SEMA5B: variants seen among roughly 807,000 people sequenced by gnomAD.
SEMA5B encodes the protein semaphorin-5B.
A neutral mutation model predicts 135.0 loss-of-function variants in SEMA5B; 66 were observed. The ratio of observed to expected loss-of-function variants is 0.49; its 90% CI spans 0.40 to 0.60. The LOEUF is 0.60. SEMA5B is among the 20% of genes least tolerant of loss of function. SEMA5B has a pLI of 0.00. For missense variants in SEMA5B, 1,501 were observed against 1,566.3 expected (o/e 0.96, Z 0.70); for synonymous variants, 690 against 639.5 (o/e 1.08, Z -1.19).
chr3:122,967,666 A>G (rs6438773), intron 1 of SEMA5B, among the ~76,000 whole-genome samples: 78,023 of 152,134 alleles, frequency 0.51, 21,674 homozygotes, highest in African/African-American at 0.72. Context: ...TCGTGGGATC[A>G]TGAGATCGTG....
intron 8 of SEMA5B, among the ~76,000 whole-genome samples, 189 bp downstream of exon 8, chr3:122,927,601 G>T (rs1938709785): frequency 6.6e-6 from 1 of 152,146 alleles, no homozygotes; most frequent in African/African-American, 2.4e-5. Flanking sequence ...GACATCACCT[G>T]TGATTTCGTC....
chr3:122,947,174 C>T (rs1939825200), intron 3 of SEMA5B, among the ~76,000 whole-genome samples: 1 of 152,184 alleles, frequency 6.6e-6, no homozygotes, highest in Non-Finnish European at 1.5e-5. Flanking sequence ...CCCCTCTGTC[C>T]TCTTCAGTGA....
At chr3:122,939,941 G>T (rs749982861) in intron 4 of SEMA5B, among the ~76,000 whole-genome samples, 3 of 152,142 alleles carry the variant, frequency 2.0e-5, no homozygotes, top group Non-Finnish European at 2.9e-5. Context: ...ACACAGGCCA[G>T]CCATCTCTCC....
intron 1 of SEMA5B, among the ~76,000 whole-genome samples, chr3:122,967,622 G>A (rs1269913970): frequency 6.6e-6 from 1 of 152,180 alleles, no homozygotes; most frequent in Non-Finnish European, 1.5e-5. Context: ...CAGGTGCAAT[G>A]GATTCTGTGG....
intron 1 of SEMA5B, among the ~76,000 whole-genome samples, chr3:123,022,366 A>C (rs1463282254): frequency 6.6e-6 from 1 of 152,248 alleles, no homozygotes; most frequent in Non-Finnish European, 1.5e-5. Context: ...ACAAGGCTTC[A>C]AATTCAAACA....
At chr3:122,941,347 A>C (rs1054200917) in intron 4 of SEMA5B, among the ~76,000 whole-genome samples, 2 of 152,220 alleles carry the variant, frequency 1.3e-5, no homozygotes, top group Non-Finnish European at 2.9e-5. Flanking sequence ...TTGTGTGGGA[A>C]GCCTCCAGAC....
intron 1 of SEMA5B, among the ~76,000 whole-genome samples, chr3:122,962,789 C>T (rs1193114288): frequency 1.3e-5 from 2 of 152,200 alleles, no homozygotes; most frequent in African/African-American, 4.8e-5. Context: ...GAACCACAGA[C>T]TGGGGTGATG....
At chr3:122,970,649 G>A (rs1260604300) in intron 1 of SEMA5B, among the ~76,000 whole-genome samples, 1 of 152,196 alleles carries the variant, frequency 6.6e-6, no homozygotes, top group Non-Finnish European at 1.5e-5. Context: ...TCTATTAAAT[G>A]GCAAATATTT....
Position 122,961,648 on chromosome 3 carries a change from T to G in SEMA5B, c.-38-347A>C, listed in dbSNP as rs1413560456. On this transcript the variant is annotated intron_variant, in intron 1 of 22. Transcript: ENST00000357599. Reference sequence around the variant, plus strand: ...TAATTTTTAAAACTTTTTGTAGATGTGATCTCACTATGTTGCCCAGGCTGG... The same window carrying G: ...TAATTTTTAAAACTTTTTGTAGATGGGATCTCACTATGTTGCCCAGGCTGG... 2.6e-5 allele frequency among the ~76,000 whole-genome samples: 4 copies of G among 152,148 alleles called. No individual in the cohort carries two copies. In the East Asian group the frequency reaches 7.7e-4, roughly 29 times the overall value.
rs372304309 is a variant in SEMA5B at position 122,911,682 on chromosome 3, C to A, written c.3047-147G>T. The A allele has an allele frequency of 3.7e-5, 37 of 986,930 alleles. No individual in the cohort carries two copies. In the African/African-American group the frequency reaches 5.8e-4, roughly 16 times the overall value. The allele number at this position is 986,930 out of a possible 1,614,324, so 61.1% of individuals were successfully genotyped here. On this transcript the variant is annotated intron_variant, in intron 20 of 22. Coordinates refer to ENST00000357599, the MANE Select transcript of SEMA5B (RefSeq NM_001031702.4). ...TGGGGGCCTTCATTCCCCTCCCTCT[C>A]TCCTCAGACCCCACCTCTGAGAAGG...
chr3:122,922,526 A>T, intron 10 of SEMA5B, 79 bp from the exon 11 acceptor site: 1 of 1,358,020 alleles, frequency 7.4e-7, no homozygotes, highest in Non-Finnish European at 1.0e-6. Flanking sequence ...CCTCCTGGCA[A>T]CCCAGGTGGC....
At chr3:122,999,350 C>G (rs543737685) in intron 1 of SEMA5B, among the ~76,000 whole-genome samples, 10 of 152,036 alleles carry the variant, frequency 6.6e-5, no homozygotes, top group Non-Finnish European at 1.0e-4. Flanking sequence ...ACTCAGCCTC[C>G]CAAGTAGCTG....
chr3:122,998,004 C>T (rs547335907), intron 1 of SEMA5B, among the ~76,000 whole-genome samples: 4 of 152,296 alleles, frequency 2.6e-5, no homozygotes, highest in Admixed American at 6.5e-5. Context: ...AAACACTGCC[C>T]GACGACCGCC....
At chr3:122,961,590 G>T (rs1940585837) in intron 1 of SEMA5B, among the ~76,000 whole-genome samples, 1 of 151,884 alleles carries the variant, frequency 6.6e-6, no homozygotes, top group African/African-American at 2.4e-5. Flanking sequence ...CCCCCAAGTA[G>T]TTGTGACAAC....
chr3:122,927,908 C>G lies in SEMA5B; in HGVS notation c.732G>C (p.Gln244His). 1 of 1,595,366 alleles carries G rather than the reference C, an allele frequency of 6.3e-7. No homozygotes were observed. The highest frequency in any genetic ancestry group is 1.1e-5 in the South Asian group (1 of 87,912). Residue 244 changes from glutamine (Q) to histidine (H), a missense_variant, in exon 8 of 23, where the codon CAG becomes CAC. Gln to His is a conservative substitution (Grantham distance 24, BLOSUM62 0). Around this residue, in one of 2 missense-constraint regions of SEMA5B, gnomAD observed 574 missense variants for 684.7 expected, o/e 0.84. Coordinates refer to ENST00000357599, the MANE Select transcript of SEMA5B (RefSeq NM_001031702.4). ...RHNSTAVISS[Q>H]GELYAATVID... ...TGACCGTGGCTGCATAGAGCTCCCC[C>G]TGGGAGGAGATGACAGCTGTGGAGT...
intron 22 of SEMA5B, 37 bp from the exon 23 acceptor site, chr3:122,910,338 G>A (rs1274074649): frequency 8.7e-6 from 14 of 1,607,556 alleles, no homozygotes; most frequent in Non-Finnish European, 1.1e-5. Flanking sequence ...AAGGGGTGAG[G>A]GAACACACAG....
chr3:122,924,832 A>G (rs1374003065), intron 9 of SEMA5B, among the ~76,000 whole-genome samples: 1 of 152,078 alleles, frequency 6.6e-6, no homozygotes, highest in African/African-American at 2.4e-5. Context: ...TTCCCTGATC[A>G]CCACTCCTCT....
intron 20 of SEMA5B, 147 bp downstream of exon 20, chr3:122,911,773 G>A (rs572081436): frequency 5.3e-5 from 61 of 1,159,068 alleles, no homozygotes; most frequent in Non-Finnish European, 7.0e-5. Flanking sequence ...AAATATGGGA[G>A]TTTTCTTTCG....
chr3:123,023,878 G>A (rs937869620), intron 1 of SEMA5B, among the ~76,000 whole-genome samples: 14 of 152,190 alleles, frequency 9.2e-5, no homozygotes, highest in Admixed American at 4.6e-4. Flanking sequence ...GTAGGTGAGT[G>A]AACACAGGAG....
Sources: allele counts gnomAD v4.1 joint callset (sites outside exome capture counted in the v4.1 genomes callset), GRCh38; gene constraint gnomAD v4.1.1; regional missense constraint gnomAD v4.1.1; transcripts MANE v1.5; gene names NCBI Gene and HGNC (gene_info 2026-07-23, HGNC 2026-07-21).